The following UBE3A variants were observed in gnomAD, a reference collection of about 807,000 sequenced individuals.
The protein encoded by UBE3A is ubiquitin-protein ligase E3A.
In UBE3A, 6 loss-of-function variants were observed where a neutral mutation model predicts 83.4. The ratio of observed to expected loss-of-function variants is 0.07; its 90% CI spans 0.04 to 0.14. The LOEUF (loss-of-function observed/expected upper bound fraction) is 0.14. Ranked by LOEUF, UBE3A falls within the 10% of genes least tolerant of loss-of-function variation. UBE3A has a pLI of 1.00. For missense variants in UBE3A, 456 were observed against 1,036.1 expected (o/e 0.44, Z 7.69); for synonymous variants, 337 against 355.4 (o/e 0.95, Z 0.58).
chr15:25,387,653 C>G (rs866873718), intron 4 of UBE3A, among the ~76,000 whole-genome samples: 4 of 151,848 alleles, frequency 2.6e-5, no homozygotes, highest in Non-Finnish European at 5.9e-5. Flanking sequence ...AAATTGAAAA[C>G]AAGATATCAA....
intron 6 of UBE3A, among the ~76,000 whole-genome samples, chr15:25,366,636 ACAT>A (rs1328805850): frequency 3.3e-5 from 5 of 152,286 alleles, no homozygotes; most frequent in East Asian, 3.9e-4. Flanking sequence ...ACCAAGTTTC[ACAT>A]CATCATCATC....
chr15:25,359,415 A>ATGTGTGTG (rs1566908910), intron 7 of UBE3A, among the ~76,000 whole-genome samples: 1 of 98,272 alleles, frequency 1.0e-5, no homozygotes, highest in Non-Finnish European at 2.1e-5. Flanking sequence ...TAGATAAGGG[A>ATGTGTGTG]TGCGTGTGTG....
At chr15:25,385,442 A>G (rs933369791) in intron 4 of UBE3A, among the ~76,000 whole-genome samples, 2 of 152,142 alleles carry the variant, frequency 1.3e-5, no homozygotes, top group Admixed American at 6.5e-5. Flanking sequence ...AAAACAGAAA[A>G]TAAGTATTGG....
intron 3 of UBE3A, among the ~76,000 whole-genome samples, chr15:25,406,854 A>AG (rs935507883): frequency 1.7e-4 from 20 of 115,466 alleles, no homozygotes; most frequent in Non-Finnish European, 1.6e-4. Context: ...AGAATGGAAA[A>AG]GGAAAAAAAA....
chr15:25,351,784 T>G (rs187892006), intron 11 of UBE3A, among the ~76,000 whole-genome samples: 1 of 152,374 alleles, frequency 6.6e-6, no homozygotes, highest in African/African-American at 2.4e-5. Flanking sequence ...CATTTCTTGT[T>G]GACTGCTTAG....
intron 1 of UBE3A, among the ~76,000 whole-genome samples, chr15:25,436,401 C>T (rs981479569): frequency 2.0e-5 from 3 of 152,122 alleles, no homozygotes; most frequent in Non-Finnish European, 4.4e-5. Flanking sequence ...ACATAACTAG[C>T]AGTCATTTAA....
rs959481735 is a variant in UBE3A at position 25,384,112 on chromosome 15, A to G, written c.63-8349T>C. 2.0e-5 allele frequency among the ~76,000 whole-genome samples: 3 copies of G among 152,196 alleles called. No homozygotes were observed. In the East Asian group the frequency reaches 5.8e-4, roughly 29 times the overall value. On this transcript the variant is annotated intron_variant, in intron 4 of 12. Transcript: ENST00000648336. ...CATTTAAAATGAAATCAAAGAGTAAAAAATACTTAGGGAATATTTTCACCA... is the reference window on the plus strand; with the variant it reads ...CATTTAAAATGAAATCAAAGAGTAAGAAATACTTAGGGAATATTTTCACCA...
At chr15:25,355,732 T>C (rs1391950226) in intron 9 of UBE3A, among the ~76,000 whole-genome samples, 160 bp downstream of exon 9, 1 of 152,144 alleles carries the variant, frequency 6.6e-6, no homozygotes, top group East Asian at 1.9e-4. Flanking sequence ...TACCAACTTA[T>C]ATCCAAGATT....
chr15:25,428,418 A>G (rs1375288428), intron 1 of UBE3A, among the ~76,000 whole-genome samples: 3 of 152,190 alleles, frequency 2.0e-5, no homozygotes, highest in Non-Finnish European at 1.5e-5. Context: ...AAAGAAAAAG[A>G]CATGATTTTT....
chr15:25,391,940 A>T (rs1315197491), intron 4 of UBE3A: 1 of 152,302 alleles, frequency 6.6e-6, no homozygotes, highest in African/African-American at 2.4e-5. Context: ...GGGGTTAATC[A>T]TATAAATAAA....
intron 6 of UBE3A, among the ~76,000 whole-genome samples, chr15:25,365,283 G>A (rs1452101621): frequency 6.6e-6 from 1 of 151,970 alleles, no homozygotes; most frequent in African/African-American, 2.4e-5. Context: ...AGACTTACAG[G>A]AATCAAAAGG....
At chr15:25,405,384 C>T in intron 4 of UBE3A, 77 bp downstream of exon 4, 1 of 1,474,902 alleles carries the variant, frequency 6.8e-7, no homozygotes, top group Non-Finnish European at 9.5e-7. Flanking sequence ...AAATTATTTC[C>T]AAATAATGTG....
At chr15:25,430,338 C>T (rs1166668704) in intron 1 of UBE3A, among the ~76,000 whole-genome samples, 1 of 116,708 alleles carries the variant, frequency 8.6e-6, no homozygotes, top group Non-Finnish European at 1.7e-5. Context: ...ATATATAATA[C>T]ATATATATAA....
chr15:25,369,209 G>C (rs2079853966), intron 6 of UBE3A, among the ~76,000 whole-genome samples: 1 of 151,996 alleles, frequency 6.6e-6, no homozygotes. Flanking sequence ...AACTATGTAA[G>C]TGAAATAAAA....
intron 6 of UBE3A, among the ~76,000 whole-genome samples, chr15:25,366,733 G>A (rs894183960): frequency 6.6e-6 from 1 of 151,792 alleles, no homozygotes; most frequent in Non-Finnish European, 1.5e-5. Flanking sequence ...TATCAAAATG[G>A]CCTTTCTCTT....
intron 1 of UBE3A, among the ~76,000 whole-genome samples, chr15:25,432,590 T>C (rs908231159): frequency 1.6e-4 from 24 of 152,304 alleles, no homozygotes; most frequent in African/African-American, 5.8e-4. Context: ...CTACCAAGCC[T>C]GCATGCTACG....
rs551027257 is a variant in UBE3A, at chr15:25,433,824, C to T, written c.-165+4665G>A. Among the ~76,000 whole-genome samples the T allele has an allele frequency of 1.2e-4, 19 of 152,168 alleles. No homozygotes were observed. In the South Asian group the frequency reaches 3.9e-3, roughly 32 times the overall value. The stretch of plus-strand genomic sequence containing the variant: ...GGCATGGTAGCTCACACCTGTAATC[C>T]TAGCACCTTGGGAGGCCAAGCCGCT... On this transcript the variant is annotated intron_variant, in intron 1 of 12. Transcript: ENST00000648336.
intron 5 of UBE3A, among the ~76,000 whole-genome samples, chr15:25,372,272 TA>T (rs538687297): frequency 6.6e-6 from 1 of 152,132 alleles, no homozygotes; most frequent in Non-Finnish European, 1.5e-5. Context: ...GGCAAGGTCT[TA>T]AAAAAAGGCT....
intron 2 of UBE3A, among the ~76,000 whole-genome samples, chr15:25,410,706 C>T (rs1001226565): frequency 2.0e-5 from 3 of 152,114 alleles, no homozygotes; most frequent in Non-Finnish European, 4.4e-5. Flanking sequence ...GAGGATTGGC[C>T]TGAATATATA....
Sources: allele counts gnomAD v4.1 joint callset (sites outside exome capture counted in the v4.1 genomes callset), GRCh38; gene constraint gnomAD v4.1.1; transcripts MANE v1.5; gene names NCBI Gene and HGNC (gene_info 2026-07-23, HGNC 2026-07-21).